ASIC2: variants seen among roughly 807,000 people sequenced by gnomAD.
ASIC2 encodes the protein acid-sensing ion channel 2.
A neutral mutation model predicts 57.3 loss-of-function variants in ASIC2; 25 were observed. The ratio of observed to expected loss-of-function variants is 0.44; its 90% CI spans 0.32 to 0.61. The LOEUF is 0.61. Among genes scored for constraint, ASIC2 ranks in the 20% least tolerant of loss-of-function variants. ASIC2 has a pLI of 0.06. For missense variants in ASIC2, 641 were observed against 738.1 expected, an observed-to-expected ratio of 0.87 and a Z score of 1.52; for synonymous variants, 319 against 307.5, an observed-to-expected ratio of 1.04 and a Z score of -0.39.
intron 1 of ASIC2, among the ~76,000 whole-genome samples, chr17:34,008,177 GT>G (rs1906593419): frequency 6.6e-6 from 1 of 152,156 alleles, no homozygotes; most frequent in African/African-American, 2.4e-5. Context: ...CAGTAATTAT[GT>G]CACTATACTA....
chr17:33,302,186 A>G lies in ASIC2; in HGVS notation c.556-190119T>C, dbSNP rs17781926. On this transcript the variant is annotated intron_variant, in intron 1 of 9. Transcript: ENST00000359872. ...CTGTGGTCATAACGTTAGCAGAGAA[A>G]TGGAGTCTTTCTTGCACACTTTTCT... 6.3e-3 allele frequency among the ~76,000 whole-genome samples: 954 copies of G among 152,308 alleles called. 9 individuals carry two copies. Among genetic ancestry groups the G allele is most frequent in the Non-Finnish European group, 0.011 (742 of 68,028 alleles).
chr17:33,117,580 G>T (rs1446093859), intron 1 of ASIC2, among the ~76,000 whole-genome samples: 1 of 152,176 alleles, frequency 6.6e-6, no homozygotes, highest in Non-Finnish European at 1.5e-5. Context: ...AGTGCCAAGG[G>T]GTAGCAGAGC....
At chr17:33,146,549 A>C (rs558847640) in intron 1 of ASIC2, among the ~76,000 whole-genome samples, 1 of 152,346 alleles carries the variant, frequency 6.6e-6, no homozygotes, top group Admixed American at 6.5e-5. Flanking sequence ...CACTCAGATC[A>C]TATTTCTTAG....
intron 1 of ASIC2, among the ~76,000 whole-genome samples, chr17:33,334,592 C>A (rs142346724): frequency 9.5e-4 from 145 of 152,292 alleles, no homozygotes; most frequent in African/African-American, 3.4e-3. Context: ...GGAAGTTTAA[C>A]CAAAGAGGGC....
At chr17:34,041,765 A>G (rs1015191195) in intron 1 of ASIC2, among the ~76,000 whole-genome samples, 5 of 152,222 alleles carry the variant, frequency 3.3e-5, no homozygotes, top group Admixed American at 6.5e-5. Flanking sequence ...GAAGCTTAGA[A>G]TTTAGTTGGG....
chr17:33,773,374 G>A (rs1478887711), intron 1 of ASIC2, among the ~76,000 whole-genome samples: 3 of 152,130 alleles, frequency 2.0e-5, no homozygotes, highest in Non-Finnish European at 4.4e-5. Flanking sequence ...CCCAAAGGCA[G>A]GGAGACTGCT....
chr17:33,793,169 G>A (rs1369660390), intron 1 of ASIC2, among the ~76,000 whole-genome samples: 2 of 152,220 alleles, frequency 1.3e-5, no homozygotes, highest in Non-Finnish European at 2.9e-5. Flanking sequence ...GTCTAGTCTA[G>A]CCTGTTTTAC....
rs555986731 is a variant in ASIC2, at chr17:33,839,722, G to A, written c.555+316256C>T. On this transcript the variant is annotated intron_variant, in intron 1 of 9. Coordinates refer to the ASIC2 transcript ENST00000359872. The stretch of plus-strand genomic sequence containing the variant: ...ACATTAGGGGGAGATTTAAAGGAGG[G>A]ATAAGGGTCTGTCTTATTCCTGTTT... Among the ~76,000 whole-genome samples, 6 of 152,308 alleles carry A rather than the reference G, an allele frequency of 3.9e-5. No individual in the cohort carries two copies. The South Asian group carries it at 1.2e-3, about 32-fold the overall frequency.
chr17:33,798,870 G>A (rs927044740), intron 1 of ASIC2, among the ~76,000 whole-genome samples: 1 of 152,132 alleles, frequency 6.6e-6, no homozygotes, highest in Non-Finnish European at 1.5e-5. Flanking sequence ...CTGGGCTGGG[G>A]AGATTGAGCC....
chr17:33,584,832 C>T (rs115442657), intron 1 of ASIC2, among the ~76,000 whole-genome samples: 5,382 of 152,074 alleles, frequency 0.035, 248 homozygotes, highest in African/African-American at 0.11. Context: ...GGGACACTAA[C>T]AGGAACTGCC....
rs543059897 is a variant in ASIC2 at position 33,077,982 on chromosome 17, C to T, written c.987+10881G>A. On this transcript the variant is annotated intron_variant, in intron 3 of 9. Transcript: ENST00000225823. ...GAAGTGTCCTCTATAGGCCCTTTTT[C>T]CCCCTTTAAAAAAAAGTCAGAAACC... Among the ~76,000 whole-genome samples, 26 of 151,960 alleles carry T rather than the reference C, an allele frequency of 1.7e-4. 1 individual carries two copies. The highest frequency in any genetic ancestry group is 3.5e-4 in the Non-Finnish European group (24 of 67,924).
intron 1 of ASIC2, among the ~76,000 whole-genome samples, chr17:33,230,208 A>C (rs1330091384): frequency 6.6e-6 from 1 of 152,234 alleles, no homozygotes; most frequent in African/African-American, 2.4e-5. Flanking sequence ...ATGGGGCTAA[A>C]AGCTGGCAGC....
At chr17:34,081,516 A>T (rs1256728312) in intron 1 of ASIC2, among the ~76,000 whole-genome samples, 2 of 152,196 alleles carry the variant, frequency 1.3e-5, no homozygotes, top group Non-Finnish European at 2.9e-5. Context: ...CAGGAAATTA[A>T]GACAATATTA....
At chr17:33,756,881 G>A (rs1456348912) in intron 1 of ASIC2, among the ~76,000 whole-genome samples, 1 of 152,200 alleles carries the variant, frequency 6.6e-6, no homozygotes, top group Non-Finnish European at 1.5e-5. Flanking sequence ...GGGTCTTATA[G>A]TTCTGGACGA....
chr17:33,798,093 G>A (rs1312593395), intron 1 of ASIC2, among the ~76,000 whole-genome samples: 1 of 152,120 alleles, frequency 6.6e-6, no homozygotes, highest in South Asian at 2.1e-4. Context: ...CATCAGTGCC[G>A]GAGGGAAGAA....
chr17:33,852,016 G>T (rs979892552), intron 1 of ASIC2, among the ~76,000 whole-genome samples: 2 of 152,228 alleles, frequency 1.3e-5, no homozygotes, highest in African/African-American at 4.8e-5. Context: ...GGACCATTCC[G>T]TTCAGGCTGT....
At position 33,218,995 on chromosome 17, in the gene ASIC2, C is replaced by G. The variant is rs187199688; in HGVS notation, c.708+72413G>C. ...GTATTTTCTCCAGCTATTCTGATCTCTAACATTTTGCAGTGGGTGGTTAGA... is the reference window on the plus strand; with the variant it reads ...GTATTTTCTCCAGCTATTCTGATCTGTAACATTTTGCAGTGGGTGGTTAGA... On this transcript the variant is annotated intron_variant, in intron 1 of 9. Transcript: ENST00000225823. 2.6e-5 allele frequency among the ~76,000 whole-genome samples: 4 copies of G among 152,306 alleles called. No individual in the cohort carries two copies. The East Asian group carries it at 7.7e-4, about 29-fold the overall frequency.
chr17:33,568,718 A>G (rs570922461), intron 1 of ASIC2, among the ~76,000 whole-genome samples: 1 of 152,230 alleles, frequency 6.6e-6, no homozygotes, highest in Non-Finnish European at 1.5e-5. Flanking sequence ...TCTCTAATAG[A>G]TAATATTCTT....
At chr17:33,033,698 T>C (rs2091896154) in intron 3 of ASIC2, among the ~76,000 whole-genome samples, 1 of 152,154 alleles carries the variant, frequency 6.6e-6, no homozygotes, top group Admixed American at 6.5e-5. Flanking sequence ...AGGAAGGGGA[T>C]GGGTCCCCAG....
Sources: gnomAD v4.1 joint callset for allele counts (sites outside exome capture counted in the v4.1 genomes callset) on GRCh38, gnomAD v4.1.1 for gene constraint, MANE v1.5 for transcripts, NCBI Gene and HGNC (gene_info 2026-07-23, HGNC 2026-07-21) for gene names.